The following OR51B5 variants were observed in gnomAD, a reference collection of about 807,000 sequenced individuals.
The protein encoded by OR51B5 is olfactory receptor 51B5.
For missense variants in OR51B5, 456 were observed against 374.6 expected, an observed-to-expected ratio of 1.22 and a Z score of -1.79; for synonymous variants, 186 against 144.8, an observed-to-expected ratio of 1.28 and a Z score of -2.04.
intron 1 of OR51B5, among the ~76,000 whole-genome samples, chr11:5,466,336 G>A (rs1590013318): frequency 6.6e-6 from 1 of 152,044 alleles, no homozygotes; most frequent in Admixed American, 6.6e-5. Context: ...ATAAATGATA[G>A]GAATACTTTT....
At chr11:5,415,970 C>A (rs1244053593) in intron 1 of OR51B5, among the ~76,000 whole-genome samples, 1 of 135,132 alleles carries the variant, frequency 7.4e-6, no homozygotes, top group Non-Finnish European at 1.6e-5. Flanking sequence ...AGAGACACAA[C>A]CAAAAAAGAG....
chr11:5,477,024 A>G (rs1261514796), intron 1 of OR51B5, among the ~76,000 whole-genome samples: 1 of 152,224 alleles, frequency 6.6e-6, no homozygotes, highest in Non-Finnish European at 1.5e-5. Flanking sequence ...ACTGTTTTGT[A>G]TATTTTAAAA....
intron 1 of OR51B5, chr11:5,456,382 A>T (rs1447714804): frequency 1.3e-5 from 2 of 152,302 alleles, no homozygotes. Flanking sequence ...GACAGATGCC[A>T]TAAGAAAAAT....
At chr11:5,473,310 A>G (rs1043203919) in intron 1 of OR51B5, among the ~76,000 whole-genome samples, 1 of 152,172 alleles carries the variant, frequency 6.6e-6, no homozygotes, top group Non-Finnish European at 1.5e-5. Flanking sequence ...AAACTAATGT[A>G]AGGGTCTTAA....
upstream of OR51B5, among the ~76,000 whole-genome samples, chr11:5,347,475 G>C (rs10837873): frequency 0.31 from 44,292 of 144,736 alleles, 7,241 homozygotes; most frequent in Non-Finnish European, 0.38. Flanking sequence ...TCCAGGGGAT[G>C]CAGCAGGCAT....
At chr11:5,437,391 G>A (rs1850608188) in intron 1 of OR51B5, among the ~76,000 whole-genome samples, 1 of 152,076 alleles carries the variant, frequency 6.6e-6, no homozygotes, top group African/African-American at 2.4e-5. Context: ...GACAACCCCA[G>A]GATTTAAGCC....
upstream of OR51B5, among the ~76,000 whole-genome samples, chr11:5,347,291 T>C (rs1360275337): frequency 6.6e-6 from 1 of 152,222 alleles, no homozygotes; most frequent in Middle Eastern, 3.2e-3. Context: ...GAATTTCTAC[T>C]ATATTTCCTG....
chr11:5,404,849 C>A (rs951118568), intron 1 of OR51B5, among the ~76,000 whole-genome samples: 1 of 152,202 alleles, frequency 6.6e-6, no homozygotes, highest in African/African-American at 2.4e-5. Flanking sequence ...ATGCAAAGGT[C>A]TGCGGCTTTA....
chr11:5,364,872 A>C lies in OR51B5; in HGVS notation n.85-17962T>G, dbSNP rs147112846. ...GTTTCTATTGGTGAATTTCCATTTA[A>C]TATAGTTTTATTAAATGATTTTAGT... is the stretch of plus-strand genomic sequence containing the variant. On this transcript the variant is annotated intron_variant and non_coding_transcript_variant, in intron 1 of 4. Coordinates refer to the OR51B5 transcript ENST00000415970. 3.9e-3 allele frequency among the ~76,000 whole-genome samples: 593 copies of C among 152,302 alleles called. 2 individuals are homozygous for C. Among genetic ancestry groups the C allele is most frequent in the Middle Eastern group, 0.01 (3 of 294 alleles).
intron 1 of OR51B5, among the ~76,000 whole-genome samples, chr11:5,452,591 C>CAAGATATGGAG (rs1554893305): frequency 7.1e-6 from 1 of 141,560 alleles, no homozygotes; most frequent in African/African-American, 2.6e-5. Flanking sequence ...AGCGACTTTA[C>CAAGATATGGAG]GAGATATGGA....
intron 1 of OR51B5, among the ~76,000 whole-genome samples, chr11:5,402,265 T>A (rs1849982361): frequency 1.3e-5 from 2 of 152,274 alleles, no homozygotes; most frequent in African/African-American, 4.8e-5. Context: ...TCTGCCTACA[T>A]CAGCCTCCCA....
chr11:5,454,426 G>T, intron 1 of OR51B5: 1 of 1,601,096 alleles, frequency 6.2e-7, no homozygotes, highest in South Asian at 1.1e-5. Flanking sequence ...ATCAAAATAT[G>T]ACTTTCACAC....
intron 1 of OR51B5, chr11:5,468,735 C>A (rs1403116699): frequency 2.2e-6 from 1 of 456,516 alleles, no homozygotes; most frequent in East Asian, 6.9e-5. Context: ...GAGGCAATGG[C>A]CAGCACAGAA....
chr11:5,381,131 C>G (rs1479203658), intron 1 of OR51B5, among the ~76,000 whole-genome samples: 2 of 135,110 alleles, frequency 1.5e-5, no homozygotes, highest in African/African-American at 5.4e-5. Context: ...CCCACCCCAC[C>G]TCTCTCTCTC....
chr11:5,345,512 G>C (rs1848977287), upstream of OR51B5, among the ~76,000 whole-genome samples: 1 of 152,144 alleles, frequency 6.6e-6, no homozygotes, highest in South Asian at 2.1e-4. Context: ...TGAAAGAATG[G>C]TGAAGCCATT....
chr11:5,480,723 C>A (rs1270250123), intron 1 of OR51B5, among the ~76,000 whole-genome samples: 2 of 150,840 alleles, frequency 1.3e-5, no homozygotes, highest in African/African-American at 4.9e-5. Flanking sequence ...GAGAATACTA[C>A]AAACACCTCT....
intron 1 of OR51B5, chr11:5,390,013 C>T: frequency 1.2e-6 from 2 of 1,613,414 alleles, no homozygotes; most frequent in African/African-American, 1.3e-5. Context: ...CAGATATCAC[C>T]TTCAATAATC....
chr11:5,424,544 T>C (rs1850413624), intron 1 of OR51B5, among the ~76,000 whole-genome samples: 1 of 151,988 alleles, frequency 6.6e-6, no homozygotes, highest in Non-Finnish European at 1.5e-5. Flanking sequence ...GTAGGCATTA[T>C]TCAGAAAGAA....
chr11:5,453,881 C>T (rs1850901959), intron 1 of OR51B5: 2 of 1,614,206 alleles, frequency 1.2e-6, no homozygotes, highest in African/African-American at 1.3e-5. Context: ...ACCCCTTGCG[C>T]TATGCAACTG....
Sources: gnomAD v4.1 joint callset for allele counts (sites outside exome capture counted in the v4.1 genomes callset) on GRCh38, gnomAD v4.1.1 for gene constraint, MANE v1.5 for transcripts, NCBI Gene and HGNC (gene_info 2026-07-23, HGNC 2026-07-21) for gene names.